SMIM14: variants seen among roughly 807,000 people sequenced by gnomAD.
The protein encoded by SMIM14 is small integral membrane protein 14.
In SMIM14, 5 loss-of-function variants were observed where a neutral mutation model predicts 12.6. The observed-to-expected ratio is 0.40, with a 90% confidence interval of 0.21 to 0.83. The LOEUF (loss-of-function observed/expected upper bound fraction) is 0.83, where lower values mean the gene tolerates loss of function less well. Among genes scored for constraint, SMIM14 ranks in the 40% least tolerant of loss-of-function variants. The probability of loss-of-function intolerance (pLI) is 0.37; values close to 1 mark genes in which losing one functional copy is unlikely to be tolerated. For missense variants in SMIM14, 86 were observed against 119.1 expected (o/e 0.72, Z 1.29); for synonymous variants, 30 against 40.1 (o/e 0.75, Z 0.95).
chr4:39,605,300 T>C (rs116650226), intron 1 of SMIM14, 120 bp from the exon 2 acceptor site: 39,323 of 530,834 alleles, frequency 0.074, 1,846 homozygotes, highest in Non-Finnish European at 0.096. Context: ...ATAGTTTGTA[T>C]TTATTGACTT....
intron 1 of SMIM14, among the ~76,000 whole-genome samples, chr4:39,606,303 G>A (rs1010037695): frequency 4.0e-5 from 6 of 150,192 alleles, no homozygotes; most frequent in South Asian, 4.2e-4. Context: ...CCATGATCAC[G>A]CCACTGCATT....
At chr4:39,625,349 G>A (rs1158112828) in intron 1 of SMIM14, among the ~76,000 whole-genome samples, 1 of 152,044 alleles carries the variant, frequency 6.6e-6, no homozygotes, top group African/African-American at 2.4e-5. Context: ...AAATTTAAAT[G>A]TTGAAATAAA....
Position 39,548,491 on chromosome 4 carries a change from CT to C in SMIM14, c.*3634del, listed in dbSNP as rs1166163672. 4 of 152,060 alleles carry C rather than the reference CT, an allele frequency of 2.6e-5. No homozygotes were observed. The highest frequency in any genetic ancestry group is 9.7e-5 in the African/African-American group (4 of 41,410). 9.4% of individuals were successfully genotyped at this position (152,060 alleles called of 1,614,324 possible). A position where few individuals can be genotyped will look rare whatever the true frequency, so the allele number is the denominator to read the frequency against. On this transcript the variant is annotated 3_prime_UTR_variant, in exon 5 of 5. Transcript: ENST00000295958. ...ACAGGCATGAGCCACCATGACTGGC[CT>C]AAAACAAAATAAATTCTTAATGGCA...
chr4:39,619,359 T>C (rs1184915187), intron 1 of SMIM14, among the ~76,000 whole-genome samples: 4 of 90,386 alleles, frequency 4.4e-5, no homozygotes, highest in African/African-American at 1.8e-4. Flanking sequence ...ATTTATTCTA[T>C]ATATCAATAA....
rs1360518259 is a variant in SMIM14, at chr4:39,559,220, C to T, written c.125-2650G>A. Among the ~76,000 whole-genome samples the T allele has an allele frequency of 2.0e-5, 3 of 152,022 alleles. No individual in the cohort carries two copies. In the East Asian group the frequency reaches 5.8e-4, roughly 29 times the overall value. Reference sequence around the variant, plus strand: ...AATATATGAAGGTGCATTGGTGAGACTGCAACATCTCTACGAAAATTAGCT... The same window carrying T: ...AATATATGAAGGTGCATTGGTGAGATTGCAACATCTCTACGAAAATTAGCT... On this transcript the variant is annotated intron_variant, in intron 3 of 4. Transcript: ENST00000295958.
At chr4:39,631,258 G>C (rs886305696) in intron 1 of SMIM14, among the ~76,000 whole-genome samples, 1 of 151,690 alleles carries the variant, frequency 6.6e-6, no homozygotes, top group Non-Finnish European at 1.5e-5. Flanking sequence ...CTTGAACTCG[G>C]GAGGTGGAGG....
rs144004001 is a variant in SMIM14, at chr4:39,609,080, C to A, written c.-35-3900G>T. On this transcript the variant is annotated intron_variant, in intron 1 of 4. Coordinates refer to ENST00000295958, the MANE Select transcript of SMIM14 (RefSeq NM_174921.3). The stretch of plus-strand genomic sequence containing the variant: ...AAACCTCCACCTCCCGAATTCAAGC[C>A]ATTCTCCTGCCTCAGCCTCCAGACT... Among the ~76,000 whole-genome samples, 494 of 152,210 alleles carry A rather than the reference C, an allele frequency of 3.2e-3. 2 individuals are homozygous for A. The highest frequency in any genetic ancestry group is 0.012 in the African/African-American group (481 of 41,518).
chr4:39,598,500 A>G (rs1714465961), intron 2 of SMIM14, among the ~76,000 whole-genome samples: 1 of 152,132 alleles, frequency 6.6e-6, no homozygotes, highest in Non-Finnish European at 1.5e-5. Flanking sequence ...CCATAGATGT[A>G]CCAGTATAGA....
intron 3 of SMIM14, among the ~76,000 whole-genome samples, chr4:39,568,201 C>T (rs900747981): frequency 6.6e-6 from 1 of 151,786 alleles, no homozygotes; most frequent in African/African-American, 2.4e-5. Context: ...ATAGCTTGAG[C>T]CTGGGAGGCG....
At chr4:39,617,896 A>T (rs557124727) in intron 1 of SMIM14, among the ~76,000 whole-genome samples, 72 of 152,354 alleles carry the variant, frequency 4.7e-4, no homozygotes, top group Middle Eastern at 3.4e-3. Flanking sequence ...AATTCATTTT[A>T]AAAACATATA....
intron 1 of SMIM14, among the ~76,000 whole-genome samples, chr4:39,617,937 CCTAAA>C (rs1374905063): frequency 3.9e-5 from 6 of 152,088 alleles, no homozygotes; most frequent in Admixed American, 2.6e-4. Context: ...AATGACAATG[CCTAAA>C]CTAGTTTTGT....
intron 2 of SMIM14, among the ~76,000 whole-genome samples, chr4:39,595,346 T>C (rs991563660): frequency 3.0e-5 from 4 of 134,862 alleles, no homozygotes; most frequent in Admixed American, 8.3e-5. Context: ...TAGGTGGGAA[T>C]TGAACAATGA....
intron 3 of SMIM14, among the ~76,000 whole-genome samples, chr4:39,570,599 G>A (rs28363851): frequency 0.12 from 18,620 of 152,108 alleles, 2,613 homozygotes; most frequent in African/African-American, 0.34. Context: ...GCAACCTAAG[G>A]TTCTAGTAAA....
chr4:39,558,463 T>C lies in SMIM14; in HGVS notation c.125-1893A>G, dbSNP rs1291617918. ...CAGCCAGTAAAGCAAACAAGCCTTT[T>C]TGTTCTTTGTACAATCAGTGAGCTC... On this transcript the variant is annotated intron_variant, in intron 3 of 4. Coordinates refer to ENST00000295958, the MANE Select transcript of SMIM14 (RefSeq NM_174921.3). This position sits in a 1 kb window ranked among gnomAD's most constrained non-coding sequence, Gnocchi z 4.3. Among the ~76,000 whole-genome samples, 1 of 152,210 alleles carries C rather than the reference T, an allele frequency of 6.6e-6. No homozygotes were observed. Among genetic ancestry groups the C allele is most frequent in the Non-Finnish European group, 1.5e-5 (1 of 68,036 alleles).
At chr4:39,599,495 T>TA (rs1226644539) in intron 2 of SMIM14, among the ~76,000 whole-genome samples, 3 of 152,118 alleles carry the variant, frequency 2.0e-5, no homozygotes, top group Admixed American at 1.3e-4. Flanking sequence ...ATAAAGAGGC[T>TA]AAATGCAGCA....
chr4:39,568,745 G>GA (rs1332306654), intron 3 of SMIM14, among the ~76,000 whole-genome samples: 1 of 151,954 alleles, frequency 6.6e-6, no homozygotes, highest in Non-Finnish European at 1.5e-5. Context: ...ATTATTTTAA[G>GA]AAAAAAGTAT....
intron 1 of SMIM14, among the ~76,000 whole-genome samples, chr4:39,631,680 T>C (rs888267209): frequency 6.6e-6 from 1 of 151,438 alleles, no homozygotes; most frequent in South Asian, 2.1e-4. Flanking sequence ...AAAATAAATA[T>C]GTTAAAAGAT....
intron 1 of SMIM14, among the ~76,000 whole-genome samples, chr4:39,623,114 A>G (rs1715566367): frequency 1.3e-5 from 2 of 152,184 alleles, no homozygotes; most frequent in South Asian, 4.1e-4. Context: ...CACATCTAAA[A>G]AGAGTCTTTA....
intron 1 of SMIM14, among the ~76,000 whole-genome samples, chr4:39,633,676 T>C (rs1291163604): frequency 6.6e-6 from 1 of 152,168 alleles, no homozygotes; most frequent in Admixed American, 6.5e-5. Context: ...GAGAATCGCA[T>C]GAGCCCAGAA....
Sources: gnomAD v4.1 joint callset for allele counts (sites outside exome capture counted in the v4.1 genomes callset) on GRCh38, gnomAD v4.1.1 for gene constraint, Gnocchi (gnomAD v3.1) non-coding constraint, MANE v1.5 for transcripts, NCBI Gene and HGNC (gene_info 2026-07-23, HGNC 2026-07-21) for gene names.